The following ANKRD44 variants were observed in gnomAD, a reference collection of about 807,000 sequenced individuals.
ANKRD44 encodes ankyrin repeat domain 44.
A neutral mutation model predicts 116.0 loss-of-function variants in ANKRD44; 35 were observed. The ratio of observed to expected loss-of-function variants is 0.30; its 90% CI spans 0.23 to 0.40. The LOEUF is 0.40. Among genes scored for constraint, ANKRD44 ranks in the 10% least tolerant of loss-of-function variants. The pLI is 1.00. For missense variants in ANKRD44, 1,014 were observed against 1,242.6 expected (o/e 0.82, Z 2.77); for synonymous variants, 435 against 461.8 (o/e 0.94, Z 0.74).
At chr2:197,144,846 T>G (rs2079456716) in intron 3 of ANKRD44, among the ~76,000 whole-genome samples, 1 of 152,202 alleles carries the variant, frequency 6.6e-6, no homozygotes, top group Non-Finnish European at 1.5e-5. Context: ...AAAAAGAGAC[T>G]GGTTGACTTC....
intron 1 of ANKRD44, among the ~76,000 whole-genome samples, chr2:197,234,602 C>A (rs2081940338): frequency 6.6e-6 from 1 of 152,202 alleles, no homozygotes; most frequent in Admixed American, 6.5e-5. Context: ...GTTGTACATG[C>A]CCATCCACCT....
At chr2:197,064,590 T>C (rs1209361335) in intron 16 of ANKRD44, among the ~76,000 whole-genome samples, 1 of 151,622 alleles carries the variant, frequency 6.6e-6, no homozygotes, top group Non-Finnish European at 1.5e-5. Context: ...AGGCTCAAAA[T>C]AAAGGGATGG....
chr2:197,050,298 A>G (rs948243169), intron 16 of ANKRD44, among the ~76,000 whole-genome samples: 16 of 152,164 alleles, frequency 1.1e-4, no homozygotes, highest in Middle Eastern at 3.2e-3. Flanking sequence ...CCCCACCTCC[A>G]ACACTGACCA....
intron 9 of ANKRD44, among the ~76,000 whole-genome samples, chr2:197,102,208 C>T (rs1307888519): frequency 1.3e-5 from 2 of 152,090 alleles, no homozygotes; most frequent in African/African-American, 2.4e-5. Context: ...TTAGTACACT[C>T]GTCTCCTATG....
chr2:197,003,055 C>G (rs535055515), intron 21 of ANKRD44, among the ~76,000 whole-genome samples: 1 of 151,990 alleles, frequency 6.6e-6, no homozygotes, highest in African/African-American at 2.4e-5. Context: ...GCCTGTAATC[C>G]CAGCATTTTG....
At chr2:197,092,075 CA>C (rs1372973746) in intron 10 of ANKRD44, among the ~76,000 whole-genome samples, 1 of 152,230 alleles carries the variant, frequency 6.6e-6, no homozygotes, top group East Asian at 1.9e-4. Flanking sequence ...TCTTCTTCAG[CA>C]AGGACCCAAA....
intron 1 of ANKRD44, among the ~76,000 whole-genome samples, chr2:197,220,019 T>A (rs374435236): frequency 6.6e-6 from 1 of 152,220 alleles, no homozygotes; most frequent in East Asian, 1.9e-4. Context: ...AAAGTTTAAT[T>A]GAAGAATAAT....
chr2:197,000,922 C>A (rs1022884086), intron 22 of ANKRD44, among the ~76,000 whole-genome samples: 6 of 152,218 alleles, frequency 3.9e-5, no homozygotes, highest in African/African-American at 1.2e-4. Flanking sequence ...CCTGTAGTCC[C>A]AGCTGCTTGG....
At chr2:197,026,100 G>C (rs1253570101) in intron 16 of ANKRD44, among the ~76,000 whole-genome samples, 3 of 148,626 alleles carry the variant, frequency 2.0e-5, no homozygotes, top group Admixed American at 2.0e-4. Context: ...TTTGAATCTA[G>C]GGATTCAATC....
rs548884039 is a variant in ANKRD44, at chr2:196,998,197, A to G, written c.2748+140T>C. ...TCTGTCCTTTCCTTCTCATCCTTCCACTTTCAGTTGACAAGACCCTGGGAA... is the reference window on the plus strand; with the variant it reads ...TCTGTCCTTTCCTTCTCATCCTTCCGCTTTCAGTTGACAAGACCCTGGGAA... On this transcript the variant is annotated intron_variant, in intron 25 of 27. Transcript: ENST00000282272. 123 of 641,200 alleles carry G rather than the reference A, an allele frequency of 1.9e-4. 1 individual carries two copies. In the African/African-American group the frequency reaches 2.2e-3, roughly 11 times the overall value. 39.7% of individuals were successfully genotyped at this position (641,200 alleles called of 1,614,324 possible). A position where few individuals can be genotyped will look rare whatever the true frequency, so the allele number is the denominator to read the frequency against.
intron 1 of ANKRD44, among the ~76,000 whole-genome samples, chr2:197,277,910 G>A (rs569572876): frequency 7.9e-5 from 12 of 152,294 alleles, no homozygotes; most frequent in African/African-American, 1.4e-4. Context: ...AGTCACTGAC[G>A]CTAATGAGCC....
intron 1 of ANKRD44, among the ~76,000 whole-genome samples, chr2:197,257,090 C>G (rs2082468771): frequency 6.6e-6 from 1 of 152,196 alleles, no homozygotes. Flanking sequence ...GAAGAAAGCA[C>G]TCTCCTTGCA....
intron 1 of ANKRD44, among the ~76,000 whole-genome samples, chr2:197,264,852 C>A (rs990548553): frequency 7.2e-5 from 11 of 152,138 alleles, no homozygotes; most frequent in Admixed American, 6.5e-4. Context: ...ACAAAATGGA[C>A]AAAATACTTA....
intron 1 of ANKRD44, among the ~76,000 whole-genome samples, chr2:197,237,045 C>T (rs757919961): frequency 1.3e-5 from 2 of 152,178 alleles, no homozygotes; most frequent in Non-Finnish European, 2.9e-5. Context: ...TGGTGTAGAA[C>T]GGAGCTGATG....
At chr2:197,083,322 C>T (rs2077840967) in intron 14 of ANKRD44, 47 bp downstream of exon 14, 1 of 1,554,780 alleles carries the variant, frequency 6.4e-7, no homozygotes, top group Non-Finnish European at 8.7e-7. Flanking sequence ...TTCCCCACCA[C>T]TCCCCAACCC....
chr2:197,258,696 A>G (rs1197723150), intron 1 of ANKRD44, among the ~76,000 whole-genome samples: 1 of 152,174 alleles, frequency 6.6e-6, no homozygotes, highest in African/African-American at 2.4e-5. Flanking sequence ...ACCATTTTAC[A>G]TTCCCAACAG....
chr2:197,119,862 C>G (rs910242710), intron 8 of ANKRD44, among the ~76,000 whole-genome samples: 3 of 152,102 alleles, frequency 2.0e-5, no homozygotes, highest in African/African-American at 7.2e-5. Flanking sequence ...AGTGATGTCG[C>G]CCAAATTATG....
chr2:197,237,165 T>C (rs2081996828), intron 1 of ANKRD44, among the ~76,000 whole-genome samples: 1 of 152,230 alleles, frequency 6.6e-6, no homozygotes, highest in South Asian at 2.1e-4. Flanking sequence ...CCCTTAAGAA[T>C]AGACCTTTGT....
intron 1 of ANKRD44, among the ~76,000 whole-genome samples, chr2:197,206,833 A>G (rs2081218347): frequency 6.6e-6 from 1 of 152,254 alleles, no homozygotes. Context: ...CATTAAGCAT[A>G]GGAGTCACAT....
Sources: allele counts gnomAD v4.1 joint callset (sites outside exome capture counted in the v4.1 genomes callset), GRCh38; gene constraint gnomAD v4.1.1; transcripts MANE v1.5; gene names NCBI Gene and HGNC (gene_info 2026-07-23, HGNC 2026-07-21).